CDH13: variants seen among roughly 807,000 people sequenced by gnomAD.
The protein encoded by CDH13 is cadherin 13.
In CDH13, 24 loss-of-function variants were observed where a neutral mutation model predicts 63.8. That is an observed-to-expected ratio of 0.38 (90% CI 0.27 to 0.53). The LOEUF (loss-of-function observed/expected upper bound fraction) is 0.53. CDH13 is among the 20% of genes least tolerant of loss of function. The pLI is 0.85. For synonymous variants in CDH13, 503 were observed against 355.3 expected, an observed-to-expected ratio of 1.42 and a Z score of -4.67; for missense variants, 1,049 against 903.1, an observed-to-expected ratio of 1.16 and a Z score of -2.07.
intron 10 of CDH13, among the ~76,000 whole-genome samples, chr16:83,679,922 A>G (rs1209329271): frequency 1.3e-5 from 2 of 152,146 alleles, no homozygotes; most frequent in Non-Finnish European, 2.9e-5. Context: ...AGCTAATGCA[A>G]TGGGTAGGGG....
chr16:83,291,824 T>G (rs910606504), intron 5 of CDH13, among the ~76,000 whole-genome samples: 1 of 152,208 alleles, frequency 6.6e-6, no homozygotes, highest in Non-Finnish European at 1.5e-5. Flanking sequence ...TTAATTCATC[T>G]TGTACGTTTG....
intron 6 of CDH13, among the ~76,000 whole-genome samples, chr16:83,425,872 G>A (rs2071879132): frequency 6.6e-6 from 1 of 150,910 alleles, no homozygotes; most frequent in South Asian, 2.1e-4. Flanking sequence ...GACTTAATAT[G>A]TGCCCAGCAC....
intron 1 of CDH13, among the ~76,000 whole-genome samples, chr16:82,715,916 CAG>C (rs2032338290): frequency 6.6e-6 from 1 of 152,224 alleles, no homozygotes; most frequent in South Asian, 2.1e-4. Flanking sequence ...AGCCACATCA[CAG>C]TGTTACCAGA....
intron 2 of CDH13, among the ~76,000 whole-genome samples, chr16:82,957,688 T>A (rs1356549760): frequency 1.3e-5 from 2 of 152,208 alleles, no homozygotes. Flanking sequence ...ATTGTGATAT[T>A]TACAAATTCC....
At position 83,364,213 on chromosome 16, in the gene CDH13, A is replaced by AAT. The variant is rs1192617938; in HGVS notation, c.781+19209_781+19210dup. On this transcript the variant is annotated intron_variant, in intron 6 of 13. Coordinates refer to ENST00000567109, the MANE Select transcript of CDH13 (RefSeq NM_001257.5). Reference sequence around the variant, plus strand: ...TATCTGGGATCCTTAAGATAGACATAATAAGTCCACATACAAAATGGCAGA... The same window carrying AAT: ...TATCTGGGATCCTTAAGATAGACATAATATAAGTCCACATACAAAATGGCAGA... 4.0e-5 allele frequency among the ~76,000 whole-genome samples: 6 copies of AAT among 151,772 alleles called. 1 individual carries two copies. The highest frequency in any genetic ancestry group is 2.0e-4 in the Admixed American group (3 of 15,246).
chr16:82,974,992 C>T (rs1326320110), intron 2 of CDH13, among the ~76,000 whole-genome samples: 1 of 152,352 alleles, frequency 6.6e-6, no homozygotes, highest in East Asian at 1.9e-4. Flanking sequence ...CTCAGAATGG[C>T]TGTCCAGGCC....
At chr16:82,897,713 C>T (rs896829947) in intron 2 of CDH13, among the ~76,000 whole-genome samples, 8 of 152,336 alleles carry the variant, frequency 5.3e-5, no homozygotes, top group South Asian at 2.1e-4. Context: ...TGGATAAAGA[C>T]GTGGAGAAAT....
chr16:83,544,678 T>G (rs1335672629), intron 7 of CDH13, among the ~76,000 whole-genome samples: 1 of 152,198 alleles, frequency 6.6e-6, no homozygotes, highest in Non-Finnish European at 1.5e-5. Context: ...GCATATCACT[T>G]TCATACTATT....
At chr16:83,522,090 C>T (rs777329266) in intron 7 of CDH13, among the ~76,000 whole-genome samples, 3 of 152,330 alleles carry the variant, frequency 2.0e-5, no homozygotes, top group East Asian at 1.9e-4. Context: ...CCAGTTCTCC[C>T]CTGCTGCGCA....
chr16:83,682,937 A>G (rs1033524534), intron 10 of CDH13, among the ~76,000 whole-genome samples: 1 of 151,582 alleles, frequency 6.6e-6, no homozygotes, highest in East Asian at 1.9e-4. Flanking sequence ...CCCAACCCCA[A>G]CCCCACTGAA....
chr16:83,020,791 C>A (rs1200375023), intron 2 of CDH13, among the ~76,000 whole-genome samples: 4 of 152,166 alleles, frequency 2.6e-5, no homozygotes, highest in African/African-American at 7.2e-5. Context: ...TCTGCTCTTG[C>A]AATAGAGAGG....
intron 1 of CDH13, among the ~76,000 whole-genome samples, chr16:82,699,156 T>G (rs62036339): frequency 2.8e-4 from 43 of 152,198 alleles, no homozygotes; most frequent in African/African-American, 9.2e-4. Context: ...TTGTTGAAGG[T>G]GGATATTTCT....
intron 1 of CDH13, among the ~76,000 whole-genome samples, chr16:82,637,447 T>G (rs1479507627): frequency 2.1e-5 from 3 of 144,122 alleles, no homozygotes; most frequent in Non-Finnish European, 4.6e-5. Flanking sequence ...TTTTTTTTTT[T>G]TGAGACGGAG....
At chr16:82,808,112 G>A (rs2037245780) in intron 1 of CDH13, among the ~76,000 whole-genome samples, 1 of 152,158 alleles carries the variant, frequency 6.6e-6, no homozygotes, top group African/African-American at 2.4e-5. Context: ...AGCTCAGTGA[G>A]CCTGGGCAAC....
In CDH13 at chr16:83,678,343, G is replaced by A; in HGVS notation, c.1420G>A (p.Gly474Ser). The change falls in exon 10 of 14, where the codon GGC becomes AGC. Residue 474 changes from glycine (G) to serine (S), a missense_variant. Gly to Ser is a moderately conservative substitution (Grantham distance 56). Coordinates refer to ENST00000567109, the MANE Select transcript of CDH13 (RefSeq NM_001257.5). The stretch of plus-strand genomic sequence containing the variant: ...CATCACTGTCCTGGATGTCAACGAG[G>A]GCCCAGTCTTCTACCCAGACCCCAT... ...VHITVLDVNE[G>S]PVFYPDPMMV... 6.2e-7 allele frequency: 1 copy of A among 1,613,936 alleles called. No homozygotes were observed. Among genetic ancestry groups the A allele is most frequent in the Non-Finnish European group, 8.5e-7 (1 of 1,179,882 alleles).
chr16:83,607,151 C>G (rs1003546614), intron 8 of CDH13, among the ~76,000 whole-genome samples: 3 of 152,142 alleles, frequency 2.0e-5, no homozygotes, highest in Admixed American at 2.0e-4. Context: ...GGCACGGTGG[C>G]TCACACCTGT....
intron 5 of CDH13, among the ~76,000 whole-genome samples, chr16:83,251,893 C>T (rs1452529522): frequency 6.6e-6 from 1 of 151,916 alleles, no homozygotes; most frequent in Non-Finnish European, 1.5e-5. Flanking sequence ...GCCTTCCCCT[C>T]ACCAAGCTGA....
chr16:83,443,661 G>C (rs2072551487), intron 6 of CDH13, among the ~76,000 whole-genome samples: 1 of 147,482 alleles, frequency 6.8e-6, no homozygotes, highest in African/African-American at 2.6e-5. Flanking sequence ...ACTTGAGCCT[G>C]GGAATTTGAG....
chr16:83,547,811 C>T (rs1440502797), intron 7 of CDH13, among the ~76,000 whole-genome samples: 3 of 152,118 alleles, frequency 2.0e-5, no homozygotes, highest in African/African-American at 4.8e-5. Context: ...GAGCCTTGAC[C>T]TCCAAGGCTG....
Sources: allele counts gnomAD v4.1 joint callset (sites outside exome capture counted in the v4.1 genomes callset), GRCh38; gene constraint gnomAD v4.1.1; transcripts MANE v1.5; gene names NCBI Gene and HGNC (gene_info 2026-07-23, HGNC 2026-07-21).